HECW2: variants seen among roughly 807,000 people sequenced by gnomAD.
HECW2 encodes the protein HECT, C2 and WW domain containing E3 ubiquitin protein ligase 2.
In HECW2, 61 loss-of-function variants were observed where a neutral mutation model predicts 175.2. The ratio of observed to expected loss-of-function variants is 0.35; its 90% CI spans 0.28 to 0.43. HECW2 has a LOEUF of 0.43. Ranked by LOEUF, HECW2 falls within the 20% of genes least tolerant of loss-of-function variation. The probability of loss-of-function intolerance (pLI) is 1.00; values close to 1 mark genes in which losing one functional copy is unlikely to be tolerated. For missense variants in HECW2, 1,524 were observed against 2,000.5 expected (o/e 0.76, Z 4.54); for synonymous variants, 671 against 731.0 (o/e 0.92, Z 1.32).
intron 2 of HECW2, among the ~76,000 whole-genome samples, chr2:196,380,735 GT>G (rs1208302080): frequency 6.6e-6 from 1 of 152,152 alleles, no homozygotes; most frequent in East Asian, 1.9e-4. Context: ...GGCTCGTAAG[GT>G]GTGTTTGTTT....
At chr2:196,226,554 C>T (rs73052477) in intron 22 of HECW2, among the ~76,000 whole-genome samples, 1,583 of 152,254 alleles carry the variant, frequency 0.01, 29 homozygotes, top group African/African-American at 0.036. Context: ...AATGTAGCAC[C>T]CCACATTCAT....
intron 1 of HECW2, among the ~76,000 whole-genome samples, chr2:196,514,274 G>A (rs1380134163): frequency 2.0e-5 from 3 of 152,304 alleles, no homozygotes; most frequent in African/African-American, 4.8e-5. Context: ...TTCGGAGGGC[G>A]CTGACACACC....
At chr2:196,290,124 C>G (rs1199239888) in intron 14 of HECW2, 1 of 152,128 alleles carries the variant, frequency 6.6e-6, no homozygotes, top group Non-Finnish European at 1.5e-5. Flanking sequence ...AAGCCAGCAG[C>G]AGATTGTGAG....
At chr2:196,301,126 T>G (rs1265346508) in intron 13 of HECW2, among the ~76,000 whole-genome samples, 1 of 152,024 alleles carries the variant, frequency 6.6e-6, no homozygotes, top group Non-Finnish European at 1.5e-5. Context: ...GAACATGTGG[T>G]GTTTGGTTTT....
intron 14 of HECW2, chr2:196,288,704 A>C (rs1213036926): frequency 2.0e-5 from 3 of 152,202 alleles, no homozygotes; most frequent in Admixed American, 1.3e-4. Context: ...ATAGATCCCT[A>C]CTTCTACCTC....
At chr2:196,496,466 CAT>C (rs1257247183) in intron 1 of HECW2, among the ~76,000 whole-genome samples, 135 of 152,132 alleles carry the variant, frequency 8.9e-4, no homozygotes, top group African/African-American at 3.1e-3. Context: ...AAGTAGTTCT[CAT>C]ATGTTTATAT....
At chr2:196,417,281 T>C (rs1257733111) in intron 2 of HECW2, among the ~76,000 whole-genome samples, 1 of 152,248 alleles carries the variant, frequency 6.6e-6, no homozygotes, top group East Asian at 1.9e-4. Flanking sequence ...ATAAGTAATA[T>C]AGTTTCCTTA....
intron 1 of HECW2, among the ~76,000 whole-genome samples, chr2:196,509,535 C>T (rs1687874140): frequency 6.6e-6 from 1 of 152,150 alleles, no homozygotes; most frequent in Non-Finnish European, 1.5e-5. Flanking sequence ...CTACTAGGGG[C>T]TTCCAGGTAT....
chr2:196,276,415 G>T (rs1322563647), intron 15 of HECW2, among the ~76,000 whole-genome samples: 1 of 152,204 alleles, frequency 6.6e-6, no homozygotes, highest in African/African-American at 2.4e-5. Context: ...ATGTTTTAAG[G>T]TAGAGGGGTT....
chr2:196,469,739 C>A (rs1364613332), intron 1 of HECW2, among the ~76,000 whole-genome samples: 1 of 151,378 alleles, frequency 6.6e-6, no homozygotes, highest in Non-Finnish European at 1.5e-5. Context: ...AGGTTAACAT[C>A]CTGAATATAT....
intron 1 of HECW2, among the ~76,000 whole-genome samples, chr2:196,566,660 G>A (rs1266593516): frequency 1.4e-5 from 2 of 147,370 alleles, no homozygotes; most frequent in Non-Finnish European, 3.0e-5. Context: ...AGCCTCCTGA[G>A]TAGCCAGGAC....
rs57867808 is a variant in HECW2 at position 196,201,557 on chromosome 2, C to T, written c.4608-169G>A. Among the ~76,000 whole-genome samples, 1,175 of 151,890 alleles carry T rather than the reference C, an allele frequency of 7.7e-3. 16 individuals carry two copies. The highest frequency in any genetic ancestry group is 0.027 in the African/African-American group (1,107 of 41,370). On this transcript the variant is annotated intron_variant, in intron 28 of 28. Transcript: ENST00000644978. ...TGAAAAATCTTTGAAAACATTTTGA[C>T]CTTAAAAATTCAGAACTGAATTTCT...
chr2:196,275,407 A>G (rs919957291), intron 15 of HECW2, among the ~76,000 whole-genome samples: 1 of 152,216 alleles, frequency 6.6e-6, no homozygotes, highest in Non-Finnish European at 1.5e-5. Flanking sequence ...TTTCGTTCAT[A>G]TTTTTATTCA....
At chr2:196,452,072 G>C (rs1293585451) in intron 1 of HECW2, among the ~76,000 whole-genome samples, 2 of 152,054 alleles carry the variant, frequency 1.3e-5, no homozygotes, top group Non-Finnish European at 2.9e-5. Flanking sequence ...CCCAATTCAG[G>C]AACAAGCATA....
chr2:196,254,952 T>C (rs934283038), intron 18 of HECW2, among the ~76,000 whole-genome samples: 2 of 148,360 alleles, frequency 1.3e-5, no homozygotes, highest in Admixed American at 7.0e-5. Flanking sequence ...GCCTTCTTTA[T>C]GTATCCACAA....
chr2:196,330,467 C>T (rs1038743470), intron 4 of HECW2, among the ~76,000 whole-genome samples: 3 of 152,182 alleles, frequency 2.0e-5, no homozygotes, highest in East Asian at 3.9e-4. Context: ...AGATTAAATT[C>T]TTCTGACAAA....
At chr2:196,509,520 T>C (rs1163055304) in intron 1 of HECW2, among the ~76,000 whole-genome samples, 1 of 152,238 alleles carries the variant, frequency 6.6e-6, no homozygotes, top group African/African-American at 2.4e-5. Context: ...GTGGCTATCC[T>C]GAAGCTACTA....
chr2:196,483,891 G>T (rs978669393), intron 1 of HECW2, among the ~76,000 whole-genome samples: 2 of 152,128 alleles, frequency 1.3e-5, no homozygotes, highest in African/African-American at 4.8e-5. Flanking sequence ...ATCTTTTGAG[G>T]GGGAAAAAAC....
chr2:196,530,470 A>G (rs1688804081), intron 1 of HECW2, among the ~76,000 whole-genome samples: 1 of 152,198 alleles, frequency 6.6e-6, no homozygotes, highest in African/African-American at 2.4e-5. Context: ...GCAATAGCCT[A>G]ACTGACCTTC....
Sources: gnomAD v4.1 joint callset for allele counts (sites outside exome capture counted in the v4.1 genomes callset) on GRCh38, gnomAD v4.1.1 for gene constraint, MANE v1.5 for transcripts, NCBI Gene and HGNC (gene_info 2026-07-23, HGNC 2026-07-21) for gene names.